EIF4G2: variants seen among roughly 807,000 people sequenced by gnomAD.
EIF4G2 encodes the protein DAP-5.
Under a neutral mutation model 117.7 loss-of-function variants are expected in EIF4G2, and 8 were observed. The observed-to-expected ratio is 0.07, with a 90% CI of 0.04 to 0.12. The LOEUF (loss-of-function observed/expected upper bound fraction) is 0.12, where lower values mean the gene tolerates loss of function less well. Among genes scored for constraint, EIF4G2 ranks in the 10% least tolerant of loss-of-function variants. EIF4G2 has a pLI of 1.00. For missense variants in EIF4G2, 812 were observed against 1,086.2 expected, an observed-to-expected ratio of 0.75 and a Z score of 3.55; for synonymous variants, 413 against 367.8, an observed-to-expected ratio of 1.12 and a Z score of -1.41.
In EIF4G2 at chr11:10,807,357, G is replaced by T; in HGVS notation, c.-62C>A. 6.2e-7 allele frequency: 1 copy of T among 1,605,076 alleles called. No homozygotes were observed. Among genetic ancestry groups the T allele is most frequent in the Non-Finnish European group, 8.5e-7 (1 of 1,178,222 alleles). On this transcript the variant is annotated 5_prime_UTR_variant, in exon 2 of 22. Transcript: ENST00000339995. ...AATATTAATAGATGGGGTGGGGAGG[G>T]GAGGGGACAGGAGAAATGAAATACC...
rs200597653 is a variant in EIF4G2, at chr11:10,806,827, C to T, written c.100G>A (p.Gly34Ser). The change falls in exon 3 of 22, where the codon GGC (glycine) becomes AGC (serine). Residue 34 changes from glycine to serine, a missense_variant. This residue lies in a region of EIF4G2 where 79 missense variants were observed against 91.5 expected (regional missense o/e 0.86). Transcript: ENST00000339995. Reference sequence around the variant, plus strand: ...TTTACATGTTTACCACACCTGTTGCCAGCAGTCTTGGGATAGTGCTGAGGT... The same window carrying T: ...TTTACATGTTTACCACACCTGTTGCTAGCAGTCTTGGGATAGTGCTGAGGT... 8 of 1,614,142 alleles carry T rather than the reference C, an allele frequency of 5.0e-6. No homozygotes were observed. The highest frequency in any genetic ancestry group is 5.9e-6 in the Non-Finnish European group (7 of 1,180,022).
chr11:10,804,092 A>G (rs911758279), intron 7 of EIF4G2, 42 bp from the exon 8 acceptor site: 7 of 1,612,596 alleles, frequency 4.3e-6, no homozygotes, highest in Non-Finnish European at 5.9e-6. Flanking sequence ...TTCAGAATTA[A>G]GCTGAAAATA....
rs1847558331 is a variant in EIF4G2, at chr11:10,806,020, T to C, written c.135A>G (p.Gln45=). ...GTGCAGGAATCCATTTCTGAGCGTTTTGCCCTGGGGTTTTCCCCAGGAACT... is the reference window on the plus strand; with the variant it reads ...GTGCAGGAATCCATTTCTGAGCGTTCTGCCCTGGGGTTTTCCCCAGGAACT... Residue 45 remains glutamine, a synonymous_variant, in exon 4 of 22, where the codon CAA becomes CAG. Coordinates refer to ENST00000339995, the MANE Select transcript of EIF4G2 (RefSeq NM_001418.4). 5 of 1,614,250 alleles carry C rather than the reference T, an allele frequency of 3.1e-6. No individual in the cohort carries two copies. The highest frequency in any genetic ancestry group is 4.2e-6 in the Non-Finnish European group (5 of 1,180,036).
intron 7 of EIF4G2, 31 bp from the exon 8 acceptor site, chr11:10,804,081 A>AT: frequency 6.2e-7 from 1 of 1,612,588 alleles, no homozygotes; most frequent in Non-Finnish European, 8.5e-7. Flanking sequence ...GTAAGCCAAC[A>AT]TTCAGAATTA....
Position 10,804,215 on chromosome 11 carries a change from GA to G in EIF4G2, c.484-13del. On this transcript the variant is annotated splice_polypyrimidine_tract_variant and intron_variant, in intron 6 of 21. Transcript: ENST00000339995. ...AGGCGTCTGAATGTCTGGAAAAGAA[GA>G]CATTGTCATGCTTTATTAAGGAAAT... 6.2e-7 allele frequency: 1 copy of G among 1,613,896 alleles called. No homozygotes were observed. Among genetic ancestry groups the G allele is most frequent in the Non-Finnish European group, 8.5e-7 (1 of 1,179,940 alleles).
At chr11:10,805,090 T>C (rs1847526575) in intron 4 of EIF4G2, 75 bp from the exon 5 acceptor site, 1 of 1,196,162 alleles carries the variant, frequency 8.4e-7, no homozygotes, top group African/African-American at 1.5e-5. Context: ...TTTTAAATTA[T>C]ACTGATTTTT....
chr11:10,799,632 T>A lies in EIF4G2; in HGVS notation c.2244A>T (p.Gln748His). 6.2e-7 allele frequency: 1 copy of A among 1,614,164 alleles called. No individual in the cohort carries two copies. The highest frequency in any genetic ancestry group is 8.5e-7 in the Non-Finnish European group (1 of 1,179,990). Reference sequence around the variant, plus strand: ...TATCTTTAATCCATTTATATATGGTTTGAGGGGATGGATCCAACTTTATTT... The same window carrying A: ...TATCTTTAATCCATTTATATATGGTATGAGGGGATGGATCCAACTTTATTT... The change falls in exon 19 of 22, where the codon CAA becomes CAT. Residue 748 changes from glutamine (Q) to histidine (H), a missense_variant. Physicochemically the swap from Gln to His is conservative, Grantham distance 24 (BLOSUM62 0). Transcript: ENST00000339995.
At chr11:10,808,566 G>A (rs890192213) in intron 1 of EIF4G2, 139 bp downstream of exon 1, 2 of 1,011,796 alleles carry the variant, frequency 2.0e-6, no homozygotes, top group Middle Eastern at 2.8e-4. Flanking sequence ...GGTATCTGAA[G>A]CGCAGAGGAA....
chr11:10,798,078 G>A (rs1251641427), intron 21 of EIF4G2, among the ~76,000 whole-genome samples, 197 bp from the exon 22 acceptor site: 1 of 152,216 alleles, frequency 6.6e-6, no homozygotes, highest in Non-Finnish European at 1.5e-5. Flanking sequence ...ATCCTGCAAG[G>A]ATGATCCTCG....
At chr11:10,800,404 T>TTAC (rs776629470) in intron 17 of EIF4G2, 28 bp downstream of exon 17, 1 of 1,613,600 alleles carries the variant, frequency 6.2e-7, no homozygotes, top group South Asian at 1.1e-5. Flanking sequence ...GTAAGAGTTC[T>TTAC]TACCACACAA....
intron 5 of EIF4G2, 142 bp downstream of exon 5, chr11:10,804,771 T>C: frequency 4.5e-6 from 3 of 672,240 alleles, no homozygotes; most frequent in Non-Finnish European, 7.6e-6. Context: ...TTCTTTTTAA[T>C]CACCATCAGT....
Position 10,803,202 on chromosome 11 carries a change from C to A in EIF4G2, c.897+9G>T, listed in dbSNP as rs772865682. 1.2e-5 allele frequency: 20 copies of A among 1,610,334 alleles called. No individual in the cohort carries two copies. Among genetic ancestry groups the A allele is most frequent in the Admixed American group, 1.7e-5 (1 of 59,162 alleles). ...AGCTTACCAACAAATTTAAAGAAACCAGTATTACCTGCAGCAGGAAACGAA... is the reference window on the plus strand; with the variant it reads ...AGCTTACCAACAAATTTAAAGAAACAAGTATTACCTGCAGCAGGAAACGAA... On this transcript the variant is annotated intron_variant, in intron 10 of 21. Transcript: ENST00000339995. The surrounding 1 kb of genome is among the most constrained non-coding windows in gnomAD (Gnocchi z 4.0).
At chr11:10,798,968 C>T (rs1847342210) in intron 21 of EIF4G2, 24 bp downstream of exon 21, 12 of 1,584,870 alleles carry the variant, frequency 7.6e-6, no homozygotes, top group Non-Finnish European at 9.4e-6. Flanking sequence ...AGTAAGCAGA[C>T]CAAATTTTTA....
intron 21 of EIF4G2, 100 bp downstream of exon 21, chr11:10,798,892 G>C: frequency 1.4e-6 from 2 of 1,393,648 alleles, no homozygotes; most frequent in Non-Finnish European, 2.0e-6. Flanking sequence ...CTACTAACTA[G>C]GACTACCTTG....
rs1008528015 is a variant in EIF4G2, at chr11:10,803,453, T to C, written c.813+27A>G. The C allele has an allele frequency of 1.3e-6, 2 of 1,598,054 alleles. No homozygotes were observed. Among genetic ancestry groups the C allele is most frequent in the South Asian group, 1.1e-5 (1 of 90,644 alleles). ...GCTTGATTTAAAGACAAACTACTTG[T>C]ACTACTTTCATCAGCTACACACGTA... On this transcript the variant is annotated intron_variant, in intron 9 of 21. Transcript: ENST00000339995. The surrounding 1 kb of genome is among the most constrained non-coding windows in gnomAD (Gnocchi z 4.0).
chr11:10,799,639 G>A lies in EIF4G2; in HGVS notation c.2237C>T (p.Ser746Phe). ...AATCCATTTATATATGGTTTGAGGGGATGGATCCAACTTTATTTGCTTCAA... is the reference window on the plus strand; with the variant it reads ...AATCCATTTATATATGGTTTGAGGGAATGGATCCAACTTTATTTGCTTCAA... The change falls in exon 19 of 22, where the codon TCC becomes TTC. Residue 746 changes from serine to phenylalanine, a missense_variant. Physicochemically the swap from Ser to Phe is radical, Grantham distance 155. Coordinates refer to ENST00000339995, the MANE Select transcript of EIF4G2 (RefSeq NM_001418.4). 9 of 1,614,106 alleles carry A rather than the reference G, an allele frequency of 5.6e-6. No individual in the cohort carries two copies. The highest frequency in any genetic ancestry group is 6.8e-6 in the Non-Finnish European group (8 of 1,179,994).
Position 10,800,440 on chromosome 11 carries a change from A to G in EIF4G2, c.1852T>C (p.Phe618Leu), listed in dbSNP as rs148591498. The G allele has an allele frequency of 8.7e-6, 14 of 1,614,154 alleles. No individual in the cohort carries two copies. Among genetic ancestry groups the G allele is most frequent in the East Asian group, 6.7e-5 (3 of 44,886 alleles). The change falls in exon 17 of 22, where the codon TTC (phenylalanine) becomes CTC (leucine). Residue 618 changes from phenylalanine (F) to leucine (L), a missense_variant. Phe to Leu is a conservative substitution (Grantham distance 22). Around this residue, in one of 4 missense-constraint regions of EIF4G2, gnomAD observed 571 missense variants for 642.3 expected, o/e 0.89. Coordinates refer to ENST00000339995, the MANE Select transcript of EIF4G2 (RefSeq NM_001418.4). ...TCAGTAAAGTGTCCTACCTGCATGAAGTTGTCACTTGTGGCTATCCCTTCC... is the reference window on the plus strand; with the variant it reads ...TCAGTAAAGTGTCCTACCTGCATGAGGTTGTCACTTGTGGCTATCCCTTCC...
rs1847441147 is a variant in EIF4G2 at position 10,802,157 on chromosome 11, G to A, written c.1191C>T (p.Thr397=). ...GTTGATTTGAACGATGACGTCCCAT[G>A]GTGGGTGAAAATCTATCCTGGATAA... is the stretch of plus-strand genomic sequence containing the variant. Residue 397 remains threonine, a synonymous_variant, in exon 13 of 22, where the codon ACC becomes ACT. Coordinates refer to ENST00000339995, the MANE Select transcript of EIF4G2 (RefSeq NM_001418.4). 2.5e-6 allele frequency: 4 copies of A among 1,614,044 alleles called. No homozygotes were observed. Among genetic ancestry groups the A allele is most frequent in the Non-Finnish European group, 3.4e-6 (4 of 1,180,046 alleles).
chr11:10,808,299 C>G, intron 1 of EIF4G2: 1 of 1,215,672 alleles, frequency 8.2e-7, no homozygotes, highest in South Asian at 1.4e-5. Context: ...AGGCCAGGCT[C>G]CGGGACGCCT....
Sources: allele counts gnomAD v4.1 joint callset (sites outside exome capture counted in the v4.1 genomes callset), GRCh38; gene constraint gnomAD v4.1.1; regional missense constraint gnomAD v4.1.1; non-coding constraint Gnocchi (gnomAD v3.1); transcripts MANE v1.5; gene names NCBI Gene and HGNC (gene_info 2026-07-23, HGNC 2026-07-21).